PLXDC2: variants seen among roughly 807,000 people sequenced by gnomAD.
The protein encoded by PLXDC2 is plexin domain containing 2, also known as plexin domain-containing protein 2.
PLXDC2 carries 40 observed loss-of-function variants against 68.9 expected under a neutral mutation model. The ratio of observed to expected loss-of-function variants is 0.58; its 90% CI spans 0.45 to 0.76. The LOEUF (loss-of-function observed/expected upper bound fraction) is 0.76, where lower values mean the gene tolerates loss of function less well. Ranked by LOEUF, PLXDC2 falls within the 30% of genes least tolerant of loss-of-function variation. PLXDC2 has a pLI of 0.00. For synonymous variants in PLXDC2, 243 were observed against 234.2 expected, an observed-to-expected ratio of 1.04 and a Z score of -0.34; for missense variants, 644 against 661.9, an observed-to-expected ratio of 0.97 and a Z score of 0.30.
At chr10:20,002,035 T>G (rs1461972567) in intron 2 of PLXDC2, 49 bp downstream of exon 2, 1 of 1,542,744 alleles carries the variant, frequency 6.5e-7, no homozygotes, top group Non-Finnish European at 8.8e-7. Context: ...ATTTATTTCA[T>G]GTAGGTGCCC....
intron 4 of PLXDC2, among the ~76,000 whole-genome samples, chr10:20,124,932 A>C (rs1014260842): frequency 9.2e-5 from 14 of 152,128 alleles, no homozygotes; most frequent in African/African-American, 3.4e-4. Flanking sequence ...CAGAGGCCTG[A>C]CAGTAATGAC....
chr10:19,943,111 G>T (rs1833844208), intron 1 of PLXDC2, among the ~76,000 whole-genome samples: 1 of 152,162 alleles, frequency 6.6e-6, no homozygotes. Context: ...CTTGCCATTA[G>T]AGTGGCTGAA....
At chr10:20,160,437 T>C (rs1311449477) in intron 6 of PLXDC2, among the ~76,000 whole-genome samples, 1 of 152,174 alleles carries the variant, frequency 6.6e-6, no homozygotes, top group Non-Finnish European at 1.5e-5. Context: ...TATTTCACCC[T>C]TATCATTTTA....
At chr10:20,208,679 G>C (rs191787141) in intron 9 of PLXDC2, among the ~76,000 whole-genome samples, 181 of 152,170 alleles carry the variant, frequency 1.2e-3, no homozygotes, top group Middle Eastern at 3.4e-3. Flanking sequence ...GCTTTCAAAC[G>C]TTCTCAACTA....
chr10:19,943,940 T>C (rs553513332), intron 1 of PLXDC2, among the ~76,000 whole-genome samples: 1 of 152,362 alleles, frequency 6.6e-6, no homozygotes, highest in South Asian at 2.1e-4. Context: ...TTTGATAGAA[T>C]GTCGCCTTTG....
At chr10:20,145,953 A>T (rs1009077735) in intron 5 of PLXDC2, among the ~76,000 whole-genome samples, 1 of 152,190 alleles carries the variant, frequency 6.6e-6, no homozygotes, top group South Asian at 2.1e-4. Context: ...TCTTATTTTC[A>T]TAAATAATCA....
At position 19,839,015 on chromosome 10, in the gene PLXDC2, G is replaced by A. The variant is rs967607415; in HGVS notation, c.112+21824G>A. On this transcript the variant is annotated intron_variant, in intron 1 of 13. Transcript: ENST00000377252. ...AGCCTGGCCAACATGGTGAAACCCCGTCTGTAATAAAAATACAAAAATCTT... is the reference window on the plus strand; with the variant it reads ...AGCCTGGCCAACATGGTGAAACCCCATCTGTAATAAAAATACAAAAATCTT... Among the ~76,000 whole-genome samples, 16 of 151,882 alleles carry A rather than the reference G, an allele frequency of 1.1e-4. No homozygotes were observed. The East Asian group carries it at 2.1e-3, about 20-fold the overall frequency.
chr10:19,829,085 A>T (rs547791939), intron 1 of PLXDC2, among the ~76,000 whole-genome samples: 1 of 147,714 alleles, frequency 6.8e-6, no homozygotes, highest in South Asian at 2.2e-4. Flanking sequence ...CTTCCCCAGG[A>T]TCCCCGTACA....
At chr10:19,905,356 A>G (rs1204213371) in intron 1 of PLXDC2, among the ~76,000 whole-genome samples, 2 of 152,228 alleles carry the variant, frequency 1.3e-5, no homozygotes, top group African/African-American at 4.8e-5. Flanking sequence ...ACTGAGATGT[A>G]AAACTTTTGG....
chr10:20,015,396 A>G (rs12260963), intron 2 of PLXDC2, among the ~76,000 whole-genome samples: 5,488 of 152,212 alleles, frequency 0.036, 349 homozygotes, highest in African/African-American at 0.13. Context: ...GTTTGTATGT[A>G]TATGTATGTG....
intron 1 of PLXDC2, among the ~76,000 whole-genome samples, chr10:19,903,892 G>A (rs75592014): frequency 0.031 from 4,767 of 151,870 alleles, 241 homozygotes; most frequent in African/African-American, 0.11. Flanking sequence ...CACTATTATC[G>A]TTCAGTTCAA....
At chr10:20,054,359 A>G (rs779760400) in intron 3 of PLXDC2, among the ~76,000 whole-genome samples, 1 of 151,990 alleles carries the variant, frequency 6.6e-6, no homozygotes, top group African/African-American at 2.4e-5. Context: ...TCTCTCTAAG[A>G]GTCTCTCTCA....
In PLXDC2 at chr10:19,903,520, A is replaced by G. The variant is rs555268818; in HGVS notation, c.112+86329A>G. The stretch of plus-strand genomic sequence containing the variant: ...TTGTATTTCTGTGGTATCAGTTGTA[A>G]TATCCCCCATTTCGTTTCTAATTGA... On this transcript the variant is annotated intron_variant, in intron 1 of 13. Transcript: ENST00000377252. Among the ~76,000 whole-genome samples the G allele has an allele frequency of 7.9e-5, 12 of 151,922 alleles. No individual in the cohort carries two copies. In the East Asian group the frequency reaches 2.3e-3, roughly 29 times the overall value.
At chr10:20,164,401 CT>C (rs1197280908) in intron 6 of PLXDC2, 66 bp from the exon 7 acceptor site, 82 of 1,247,660 alleles carry the variant, frequency 6.6e-5, no homozygotes, top group Non-Finnish European at 9.4e-5. Flanking sequence ...CAAGAGGATC[CT>C]ACTACCTTTC....
intron 13 of PLXDC2, 40 bp downstream of exon 13, chr10:20,245,545 A>T (rs748099408): frequency 2.8e-5 from 44 of 1,578,832 alleles, no homozygotes; most frequent in Non-Finnish European, 2.2e-5. Flanking sequence ...ACGCCAGTTG[A>T]TGAACTGTAT....
At chr10:20,256,025 C>A (rs985574875) in intron 13 of PLXDC2, among the ~76,000 whole-genome samples, 1 of 152,002 alleles carries the variant, frequency 6.6e-6, no homozygotes, top group Non-Finnish European at 1.5e-5. Flanking sequence ...CTAATTACTA[C>A]ATTTGTATTC....
At chr10:19,841,102 G>T (rs1836895772) in intron 1 of PLXDC2, among the ~76,000 whole-genome samples, 1 of 152,306 alleles carries the variant, frequency 6.6e-6, no homozygotes, top group African/African-American at 2.4e-5. Context: ...CCGAACCATG[G>T]AACATCAGTG....
At chr10:20,024,945 C>A (rs1465379628) in intron 2 of PLXDC2, among the ~76,000 whole-genome samples, 5 of 152,124 alleles carry the variant, frequency 3.3e-5, no homozygotes, top group Non-Finnish European at 5.9e-5. Context: ...ATATGTAGCA[C>A]ATTTTCTTTA....
At chr10:20,067,721 C>A (rs1836236483) in intron 3 of PLXDC2, among the ~76,000 whole-genome samples, 1 of 151,776 alleles carries the variant, frequency 6.6e-6, no homozygotes, top group Non-Finnish European at 1.5e-5. Flanking sequence ...AGGTCTAGAT[C>A]CACCAGTGCA....
Sources: allele counts gnomAD v4.1 joint callset (sites outside exome capture counted in the v4.1 genomes callset), GRCh38; gene constraint gnomAD v4.1.1; transcripts MANE v1.5; gene names NCBI Gene and HGNC (gene_info 2026-07-23, HGNC 2026-07-21).